The following CTDSP2 variants were observed in gnomAD, a reference collection of about 807,000 sequenced individuals.
The protein encoded by CTDSP2 is carboxy-terminal domain RNA polymerase II polypeptide A small phosphatase 2.
A neutral mutation model predicts 31.6 loss-of-function variants in CTDSP2; 9 were observed. The ratio of observed to expected loss-of-function variants is 0.28; its 90% CI spans 0.17 to 0.50. CTDSP2 has a LOEUF of 0.50. Ranked by LOEUF, CTDSP2 falls within the 20% of genes least tolerant of loss-of-function variation. The pLI is 0.98. For missense variants in CTDSP2, 267 were observed against 348.5 expected, an observed-to-expected ratio of 0.77 and a Z score of 1.86; for synonymous variants, 134 against 134.5, an observed-to-expected ratio of 1.00 and a Z score of 0.03.
Position 57,843,027 on chromosome 12 carries a change from C to T in CTDSP2, c.64+3345G>A, listed in dbSNP as rs1386484389. 5.9e-5 allele frequency among the ~76,000 whole-genome samples: 9 copies of T among 152,154 alleles called. No homozygotes were observed. In the South Asian group the frequency reaches 1.9e-3, roughly 32 times the overall value. ...GAATCCTTGCAATTAGCTATCAGAACCTGTCCAGTTCGGCATGTGAGAAGG... is the reference window on the plus strand; with the variant it reads ...GAATCCTTGCAATTAGCTATCAGAATCTGTCCAGTTCGGCATGTGAGAAGG... On this transcript the variant is annotated intron_variant, in intron 1 of 7. Coordinates refer to ENST00000398073, the MANE Select transcript of CTDSP2 (RefSeq NM_005730.4).
intron 1 of CTDSP2, among the ~76,000 whole-genome samples, chr12:57,844,613 T>A (rs1956302371): frequency 6.6e-6 from 1 of 152,034 alleles, no homozygotes; most frequent in Non-Finnish European, 1.5e-5. Flanking sequence ...TTTCCTGGGA[T>A]AAAAAGGGAG....
intron 5 of CTDSP2, among the ~76,000 whole-genome samples, chr12:57,825,238 T>A (rs1351448757): frequency 1.3e-5 from 2 of 152,136 alleles, no homozygotes; most frequent in Non-Finnish European, 2.9e-5. Context: ...AGGCCTGAAC[T>A]GGCCACCAAC....
rs760437599 is a variant in CTDSP2 at position 57,827,547 on chromosome 12, C to T, written c.252+5G>A. 35 of 1,613,808 alleles carry T rather than the reference C, an allele frequency of 2.2e-5. No individual in the cohort carries two copies. The highest frequency in any genetic ancestry group is 9.9e-5 in the South Asian group (9 of 91,056). On this transcript the variant is annotated splice_donor_5th_base_variant and intron_variant, in intron 3 of 7. Transcript: ENST00000398073. ...CTGAGTACTTACCAGGCCAGAGTCA[C>T]GTACCTGGTAGAACTGGTACTGGAG... is the stretch of plus-strand genomic sequence containing the variant.
chr12:57,826,859 G>C, intron 4 of CTDSP2, 137 bp downstream of exon 4: 1 of 657,176 alleles, frequency 1.5e-6, no homozygotes, highest in South Asian at 1.9e-5. Flanking sequence ...ACACAGGGTG[G>C]CCAAAATGCC....
chr12:57,823,723 G>A lies in CTDSP2; in HGVS notation c.695C>T (p.Pro232Leu). 1 of 1,613,982 alleles carries A rather than the reference G, an allele frequency of 6.2e-7. No homozygotes were observed. The highest frequency in any genetic ancestry group is 8.5e-7 in the Non-Finnish European group (1 of 1,180,010). The change falls in exon 8 of 8, where the codon CCT (proline) becomes CTT (leucine). Residue 232 changes from proline (P) to leucine (L), a missense_variant. Coordinates refer to ENST00000398073, the MANE Select transcript of CTDSP2 (RefSeq NM_005730.4). ...CATGTCATCAAACCAGGACTGCACAGGCACCTGGTGGGGGGAAGATGTGGT... is the reference window on the plus strand; with the variant it reads ...CATGTCATCAAACCAGGACTGCACAAGCACCTGGTGGGGGGAAGATGTGGT... ...SYIFHPENAVPVQSWFDDMAD... is the reference protein window; with the variant it reads ...SYIFHPENAVLVQSWFDDMAD...
intron 1 of CTDSP2, among the ~76,000 whole-genome samples, chr12:57,833,600 C>A (rs1039516986): frequency 6.6e-6 from 1 of 152,256 alleles, no homozygotes; most frequent in East Asian, 1.9e-4. Flanking sequence ...TGGCCCCAAC[C>A]CAGTGCATTC....
intron 1 of CTDSP2, among the ~76,000 whole-genome samples, chr12:57,840,471 C>G (rs1309946251): frequency 6.6e-6 from 1 of 152,168 alleles, no homozygotes; most frequent in African/African-American, 2.4e-5. Context: ...GTCAGAAAAC[C>G]TGGGTCTGCT....
chr12:57,825,880 T>C (rs1211540485), intron 5 of CTDSP2, among the ~76,000 whole-genome samples: 2 of 152,136 alleles, frequency 1.3e-5, no homozygotes, highest in African/African-American at 4.8e-5. Context: ...AGGGGGAGCA[T>C]GGGCAAGAGG....
chr12:57,843,817 T>C (rs527723773), intron 1 of CTDSP2, among the ~76,000 whole-genome samples: 1 of 152,332 alleles, frequency 6.6e-6, no homozygotes, highest in African/African-American at 2.4e-5. Context: ...TTGTAAATGA[T>C]GTGGGACTCA....
chr12:57,835,433 A>T (rs1389812651), intron 1 of CTDSP2, among the ~76,000 whole-genome samples: 1 of 152,028 alleles, frequency 6.6e-6, no homozygotes, highest in Non-Finnish European at 1.5e-5. Context: ...CTAGGATTAC[A>T]GGCATGAGCC....
In CTDSP2 at chr12:57,820,297, A is replaced by C. The variant is rs1186346853; in HGVS notation, c.*3305T>G. ...CTTCCCTGGCTGAATGTAAATATTT[A>C]CCAGCATTTAGAAAAAAGGAGAAAA... On this transcript the variant is annotated 3_prime_UTR_variant, in exon 8 of 8. Transcript: ENST00000398073. 1 of 152,268 alleles carries C rather than the reference A, an allele frequency of 6.6e-6. No homozygotes were observed. Among genetic ancestry groups the C allele is most frequent in the African/African-American group, 2.4e-5 (1 of 41,472 alleles). The allele number at this position is 152,268 out of a possible 1,614,324, so 9.4% of individuals were successfully genotyped here. A position where few individuals can be genotyped will look rare whatever the true frequency, so the allele number is the denominator to read the frequency against.
rs914010119 is a variant in CTDSP2, at chr12:57,820,760, G to A, written c.*2842C>T. On this transcript the variant is annotated 3_prime_UTR_variant, in exon 8 of 8. Coordinates refer to ENST00000398073, the MANE Select transcript of CTDSP2 (RefSeq NM_005730.4). ...TGTTCCCTCTACAATGTGCAGAGTG[G>A]AAACCCTTACCTGACCCTTTTCCAA... 8 of 152,376 alleles carry A rather than the reference G, an allele frequency of 5.3e-5. No homozygotes were observed. The highest frequency in any genetic ancestry group is 1.0e-4 in the Non-Finnish European group (7 of 68,046). 9.4% of individuals were successfully genotyped at this position (152,376 alleles called of 1,614,324 possible).
chr12:57,832,502 A>G (rs1262275834), intron 1 of CTDSP2, among the ~76,000 whole-genome samples: 1 of 152,182 alleles, frequency 6.6e-6, no homozygotes, highest in Non-Finnish European at 1.5e-5. Flanking sequence ...ATTTAAAAAG[A>G]AAAGACAGGG....
In CTDSP2 at chr12:57,820,813, A is replaced by G. The variant is rs1320892358; in HGVS notation, c.*2789T>C. 1 of 152,226 alleles carries G rather than the reference A, an allele frequency of 6.6e-6. No individual in the cohort carries two copies. The highest frequency in any genetic ancestry group is 1.9e-4 in the East Asian group (1 of 5,202). The allele number at this position is 152,226 out of a possible 1,614,324, so 9.4% of individuals were successfully genotyped here. ...TGGTCCTGTGTCCAAAGCTCCCCCT[A>G]TGAGAGGGACACGAACATCAGGCTT... On this transcript the variant is annotated 3_prime_UTR_variant, in exon 8 of 8. Coordinates refer to ENST00000398073, the MANE Select transcript of CTDSP2 (RefSeq NM_005730.4).
At chr12:57,827,183 T>C in intron 3 of CTDSP2, 86 bp from the exon 4 acceptor site, 1 of 972,356 alleles carries the variant, frequency 1.0e-6, no homozygotes, top group South Asian at 1.3e-5. Context: ...AGCTGGGTTG[T>C]TTGTGGAGAC....
intron 1 of CTDSP2, among the ~76,000 whole-genome samples, chr12:57,833,394 C>T (rs1189068864): frequency 6.6e-6 from 1 of 152,234 alleles, no homozygotes; most frequent in African/African-American, 2.4e-5. Context: ...GAGCTTGAAG[C>T]AGAGTACCTC....
chr12:57,825,433 A>C (rs1181025613), intron 5 of CTDSP2, among the ~76,000 whole-genome samples: 2 of 152,136 alleles, frequency 1.3e-5, no homozygotes, highest in African/African-American at 4.8e-5. Context: ...CATCCTTTTA[A>C]AAATTATTCA....
chr12:57,826,190 G>A (rs1956181502), intron 5 of CTDSP2, among the ~76,000 whole-genome samples, 156 bp downstream of exon 5: 1 of 152,152 alleles, frequency 6.6e-6, no homozygotes, highest in Non-Finnish European at 1.5e-5. Context: ...AAAGCCTTGA[G>A]TGAAAGATAC....
At chr12:57,846,083 T>G (rs1047790598) in intron 1 of CTDSP2, among the ~76,000 whole-genome samples, 12 of 152,064 alleles carry the variant, frequency 7.9e-5, no homozygotes, top group African/African-American at 2.7e-4. Flanking sequence ...AGTGGCCCAG[T>G]GCTTCGAGAG....
Sources: gnomAD v4.1 joint callset for allele counts (sites outside exome capture counted in the v4.1 genomes callset) on GRCh38, gnomAD v4.1.1 for gene constraint, MANE v1.5 for transcripts, NCBI Gene and HGNC (gene_info 2026-07-23, HGNC 2026-07-21) for gene names.